The following COL22A1 variants were observed in gnomAD, a reference collection of about 807,000 sequenced individuals.
COL22A1 encodes collagen alpha-1(XXII) chain.
In COL22A1, 221 loss-of-function variants were observed where a neutral mutation model predicts 248.9. That is an observed-to-expected ratio of 0.89 (90% CI 0.80 to 0.99). COL22A1 has a LOEUF of 0.99. COL22A1 is among the 50% of genes least tolerant of loss of function. The pLI, the probability that COL22A1 is intolerant of heterozygous loss-of-function variation, is 0.00. For missense variants in COL22A1, 2,240 were observed against 2,179.0 expected (o/e 1.03, Z -0.56); for synonymous variants, 891 against 793.4 (o/e 1.12, Z -2.07).
intron 3 of COL22A1, among the ~76,000 whole-genome samples, chr8:138,860,847 G>A (rs1299200403): frequency 6.6e-6 from 1 of 152,136 alleles, no homozygotes; most frequent in Non-Finnish European, 1.5e-5. Flanking sequence ...CCGCACCACT[G>A]TACCTCTCTC....
chr8:138,744,986 A>C (rs1315855865), intron 22 of COL22A1, among the ~76,000 whole-genome samples: 2 of 152,184 alleles, frequency 1.3e-5, no homozygotes, highest in African/African-American at 2.4e-5. Context: ...GAAAATGATC[A>C]GATGAACCAA....
At chr8:138,785,148 G>T (rs952043119) in intron 12 of COL22A1, among the ~76,000 whole-genome samples, 1 of 152,146 alleles carries the variant, frequency 6.6e-6, no homozygotes, top group Admixed American at 6.5e-5. Flanking sequence ...CAGGGATTCT[G>T]CCCTTCCTCT....
intron 40 of COL22A1, among the ~76,000 whole-genome samples, chr8:138,676,925 G>T (rs1337971645): frequency 6.6e-6 from 1 of 152,168 alleles, no homozygotes; most frequent in Non-Finnish European, 1.5e-5. Flanking sequence ...CCCCATGTGA[G>T]CATTGTCCAA....
chr8:138,650,467 T>G (rs1822606154), intron 45 of COL22A1, among the ~76,000 whole-genome samples: 1 of 152,338 alleles, frequency 6.6e-6, no homozygotes, highest in East Asian at 1.9e-4. Context: ...TTCTGATTAG[T>G]TGGATCTTAC....
rs77779829 is a variant in COL22A1, at chr8:138,687,779, G to C, written c.2862+1138C>G. On this transcript the variant is annotated intron_variant, in intron 37 of 64. Coordinates refer to ENST00000303045, the MANE Select transcript of COL22A1 (RefSeq NM_152888.3). ...AGAGAGTGTGCTTTATTTAGATCAG[G>C]GTTTCTCAACCTTGGCACTATTGAC... Among the ~76,000 whole-genome samples the C allele has an allele frequency of 3.7e-3, 561 of 152,274 alleles. 2 individuals are homozygous for C. The highest frequency in any genetic ancestry group is 5.5e-3 in the Non-Finnish European group (373 of 68,022).
intron 22 of COL22A1, among the ~76,000 whole-genome samples, chr8:138,745,101 C>A (rs1411028452): frequency 6.6e-6 from 1 of 152,152 alleles, no homozygotes; most frequent in African/African-American, 2.4e-5. Flanking sequence ...TCTCAAAGAT[C>A]CCTGTTGCCA....
intron 4 of COL22A1, among the ~76,000 whole-genome samples, chr8:138,842,163 C>T (rs757214989): frequency 6.6e-6 from 1 of 152,226 alleles, no homozygotes; most frequent in Non-Finnish European, 1.5e-5. Flanking sequence ...CTCAATCTCT[C>T]TGTGCCTCAG....
At position 138,822,876 on chromosome 8, in the gene COL22A1, G is replaced by A. The variant is rs1008415830; in HGVS notation, c.970-1465C>T. On this transcript the variant is annotated intron_variant, in intron 6 of 64. Transcript: ENST00000303045. ...CTCTAGAACTCACCATCTCCTCCCCGTTCCCCTGCCTATCCAGGCCCAGGT... is the reference window on the plus strand; with the variant it reads ...CTCTAGAACTCACCATCTCCTCCCCATTCCCCTGCCTATCCAGGCCCAGGT... 2.2e-4 allele frequency among the ~76,000 whole-genome samples: 34 copies of A among 151,992 alleles called. 1 individual carries two copies. Among genetic ancestry groups the A allele is most frequent in the African/African-American group, 7.7e-4 (32 of 41,364 alleles).
chr8:138,634,359 A>C (rs147515956), intron 49 of COL22A1, among the ~76,000 whole-genome samples: 100 of 152,242 alleles, frequency 6.6e-4, no homozygotes, highest in African/African-American at 2.2e-3. Flanking sequence ...TGTGGAACCC[A>C]TGGGAAATCC....
intron 18 of COL22A1, 67 bp downstream of exon 18, chr8:138,760,175 CA>C: frequency 7.3e-7 from 1 of 1,362,266 alleles, no homozygotes; most frequent in South Asian, 1.5e-5. Flanking sequence ...CCTGGTTTGC[CA>C]AGGCGGGCAG....
chr8:138,870,185 G>A (rs115945995), intron 3 of COL22A1, among the ~76,000 whole-genome samples: 2,849 of 151,916 alleles, frequency 0.019, 94 homozygotes, highest in African/African-American at 0.064. Context: ...TTGCGTACAT[G>A]GCCAATGGTG....
intron 1 of COL22A1, among the ~76,000 whole-genome samples, chr8:138,901,244 C>A (rs1055847953): frequency 1.1e-4 from 16 of 151,008 alleles, no homozygotes; most frequent in African/African-American, 3.9e-4. Flanking sequence ...TGGGAAGGAG[C>A]ATTTTGGAAA....
intron 18 of COL22A1, among the ~76,000 whole-genome samples, chr8:138,756,983 C>T (rs1480744667): frequency 6.6e-6 from 1 of 152,196 alleles, no homozygotes; most frequent in African/African-American, 2.4e-5. Flanking sequence ...TCGAGTCCTG[C>T]CTCAGAAACG....
intron 41 of COL22A1, among the ~76,000 whole-genome samples, chr8:138,670,011 C>T (rs999150182): frequency 9.2e-5 from 14 of 151,844 alleles, no homozygotes; most frequent in Non-Finnish European, 1.5e-4. Flanking sequence ...CTCAGCCTCC[C>T]GAGTAGCTGG....
intron 23 of COL22A1, 24 bp from the exon 24 acceptor site, chr8:138,725,464 G>A (rs1205240960): frequency 2.5e-6 from 4 of 1,608,694 alleles, no homozygotes; most frequent in Admixed American, 3.4e-5. Flanking sequence ...GCATTTGGTG[G>A]GCTACAGATG....
chr8:138,793,775 G>T (rs375454757), intron 12 of COL22A1, among the ~76,000 whole-genome samples: 2 of 152,190 alleles, frequency 1.3e-5, no homozygotes, highest in Non-Finnish European at 2.9e-5. Context: ...AAGGCTGCCC[G>T]CTGTGAGCTC....
chr8:138,748,759 G>C (rs1832343970), intron 22 of COL22A1, among the ~76,000 whole-genome samples: 1 of 152,204 alleles, frequency 6.6e-6, no homozygotes, highest in South Asian at 2.1e-4. Flanking sequence ...ACCATTGCAT[G>C]GGTGGCTGGT....
At chr8:138,902,157 G>GCAC (rs1448401915) in intron 1 of COL22A1, among the ~76,000 whole-genome samples, 2 of 152,166 alleles carry the variant, frequency 1.3e-5, no homozygotes, top group East Asian at 3.9e-4. Context: ...CATGAGAGAG[G>GCAC]CACCACGTGG....
intron 16 of COL22A1, among the ~76,000 whole-genome samples, chr8:138,765,368 G>A (rs917309239): frequency 3.3e-5 from 5 of 152,318 alleles, no homozygotes; most frequent in Non-Finnish European, 7.4e-5. Flanking sequence ...GCCCTAGGGT[G>A]CACCTTGTCC....
Sources: gnomAD v4.1 joint callset for allele counts (sites outside exome capture counted in the v4.1 genomes callset) on GRCh38, gnomAD v4.1.1 for gene constraint, MANE v1.5 for transcripts, NCBI Gene and HGNC (gene_info 2026-07-23, HGNC 2026-07-21) for gene names.